The following PRDM5 variants were observed in gnomAD, a reference collection of about 807,000 sequenced individuals.
PRDM5 encodes the protein PR domain zinc finger protein 5.
Under a neutral mutation model 81.2 loss-of-function variants are expected in PRDM5, and 56 were observed. The ratio of observed to expected loss-of-function variants is 0.69; its 90% CI spans 0.56 to 0.86. The LOEUF (loss-of-function observed/expected upper bound fraction) is 0.86, where lower values mean the gene tolerates loss of function less well. PRDM5 is among the 40% of genes least tolerant of loss of function. PRDM5 has a pLI of 0.00. For missense variants in PRDM5, 697 were observed against 770.1 expected (o/e 0.91, Z 1.12); for synonymous variants, 267 against 256.4 (o/e 1.04, Z -0.39).
intron 14 of PRDM5, among the ~76,000 whole-genome samples, chr4:120,713,242 C>T (rs553938125): frequency 6.6e-6 from 1 of 152,230 alleles, no homozygotes; most frequent in East Asian, 1.9e-4. Context: ...AATATGACTG[C>T]CATATAGCTA....
intron 4 of PRDM5, among the ~76,000 whole-genome samples, chr4:120,820,444 T>C (rs976884543): frequency 6.6e-6 from 1 of 152,234 alleles, no homozygotes; most frequent in Non-Finnish European, 1.5e-5. Flanking sequence ...AAAATGTGAA[T>C]ACCTATAGCA....
At chr4:120,769,249 T>C (rs757551770) in intron 13 of PRDM5, among the ~76,000 whole-genome samples, 2 of 152,164 alleles carry the variant, frequency 1.3e-5, no homozygotes, top group Non-Finnish European at 2.9e-5. Flanking sequence ...AAAAGTAAGG[T>C]ATCAGTTATG....
At chr4:120,776,286 C>T (rs1233432583) in intron 13 of PRDM5, among the ~76,000 whole-genome samples, 1 of 152,158 alleles carries the variant, frequency 6.6e-6, no homozygotes, top group Non-Finnish European at 1.5e-5. Flanking sequence ...AAAAATTATG[C>T]TCCAAGGGTG....
intron 5 of PRDM5, among the ~76,000 whole-genome samples, chr4:120,817,252 G>T (rs1288762330): frequency 6.6e-6 from 1 of 152,012 alleles, no homozygotes; most frequent in African/African-American, 2.4e-5. Context: ...TAAAAGTTTT[G>T]ATATTCTGAA....
chr4:120,711,858 T>C (rs1010788907), intron 14 of PRDM5, among the ~76,000 whole-genome samples: 9 of 152,178 alleles, frequency 5.9e-5, no homozygotes, highest in Non-Finnish European at 8.8e-5. Context: ...GTGAAATAAA[T>C]TAATTAATAT....
chr4:120,746,486 G>C (rs1201594788), intron 14 of PRDM5, among the ~76,000 whole-genome samples: 224 of 140,848 alleles, frequency 1.6e-3, no homozygotes, highest in Admixed American at 3.7e-3. Context: ...TACCATCAGA[G>C]TGAACAGGCA....
At chr4:120,797,385 G>A (rs530656743) in intron 10 of PRDM5, among the ~76,000 whole-genome samples, 2 of 152,202 alleles carry the variant, frequency 1.3e-5, no homozygotes, top group Non-Finnish European at 2.9e-5. Context: ...GATTTGCCTT[G>A]TAGGATGGAT....
intron 2 of PRDM5, among the ~76,000 whole-genome samples, chr4:120,905,370 C>T (rs535812392): frequency 3.3e-5 from 5 of 152,072 alleles, no homozygotes; most frequent in African/African-American, 7.2e-5. Context: ...TTTAATCAAA[C>T]GCTGATATAG....
intron 1 of PRDM5, among the ~76,000 whole-genome samples, chr4:120,921,215 AT>A (rs1724869236): frequency 6.6e-6 from 1 of 152,216 alleles, no homozygotes. Context: ...TAAAAGGAGA[AT>A]TTCAACTCTG....
chr4:120,757,899 TTC>T (rs1745015956), intron 13 of PRDM5, among the ~76,000 whole-genome samples: 2 of 151,848 alleles, frequency 1.3e-5, no homozygotes, highest in African/African-American at 4.8e-5. Context: ...CTTCTTCTTC[TTC>T]TGTCTCTCTC....
At chr4:120,876,962 C>A (rs1448290728) in intron 2 of PRDM5, among the ~76,000 whole-genome samples, 1 of 152,140 alleles carries the variant, frequency 6.6e-6, no homozygotes, top group African/African-American at 2.4e-5. Flanking sequence ...ATAGGACATT[C>A]TCTTGTAAAA....
chr4:120,690,284 T>C (rs180701084), downstream of PRDM5, among the ~76,000 whole-genome samples: 146 of 152,306 alleles, frequency 9.6e-4, no homozygotes, highest in African/African-American at 3.5e-3. Context: ...TTAAATGTAT[T>C]ACTATACATG....
rs1390882087 is a variant in PRDM5 at position 120,818,393 on chromosome 4, A to G, written c.610T>C (p.Cys204Arg). 3 of 1,614,090 alleles carry G rather than the reference A, an allele frequency of 1.9e-6. No individual in the cohort carries two copies. Among genetic ancestry groups the G allele is most frequent in the Non-Finnish European group, 2.5e-6 (3 of 1,179,972 alleles). Residue 204 changes from cysteine to arginine, a missense_variant, in exon 5 of 16, where the codon TGT becomes CGT. By Grantham distance (180) the Cys-to-Arg change is radical. Transcript: ENST00000264808. ...TEEKEFKCKN[C>R]GKKFPVKQAL... The stretch of plus-strand genomic sequence containing the variant: ...TGCTTAACTGGGAATTTCTTCCCAC[A>G]GTTCTTGCACTTAAATTCTTTCTCC...
intron 3 of PRDM5, among the ~76,000 whole-genome samples, chr4:120,825,394 T>G (rs1474901661): frequency 6.6e-6 from 1 of 152,182 alleles, no homozygotes; most frequent in African/African-American, 2.4e-5. Flanking sequence ...GCTTTTACCG[T>G]GCTGCTTTGA....
intron 3 of PRDM5, among the ~76,000 whole-genome samples, chr4:120,845,615 C>G (rs1758565208): frequency 6.6e-6 from 1 of 150,752 alleles, no homozygotes; most frequent in African/African-American, 2.5e-5. Context: ...ACCTGGTCAC[C>G]CAAGAGCTCT....
intron 2 of PRDM5, among the ~76,000 whole-genome samples, chr4:120,881,952 AC>A (rs773846818): frequency 1.4e-4 from 22 of 152,330 alleles, no homozygotes; most frequent in Non-Finnish European, 2.9e-4. Flanking sequence ...TGAGGCAGGA[AC>A]CAAGCTGACC....
intron 11 of PRDM5, among the ~76,000 whole-genome samples, chr4:120,784,070 T>C (rs886873474): frequency 2.6e-5 from 4 of 152,168 alleles, no homozygotes; most frequent in Admixed American, 2.0e-4. Context: ...GTGTAAATAT[T>C]ACCCATGGTA....
At chr4:120,741,163 G>A (rs900038763) in intron 14 of PRDM5, among the ~76,000 whole-genome samples, 4 of 152,058 alleles carry the variant, frequency 2.6e-5, no homozygotes, top group Admixed American at 2.6e-4. Context: ...AGGATTTCAA[G>A]ATGATTCTCA....
At chr4:120,795,819 A>G (rs1277727735) in intron 10 of PRDM5, among the ~76,000 whole-genome samples, 1 of 152,202 alleles carries the variant, frequency 6.6e-6, no homozygotes, top group East Asian at 1.9e-4. Context: ...AGGCTGAGAC[A>G]CAAGAATCAC....
Sources: allele counts gnomAD v4.1 joint callset (sites outside exome capture counted in the v4.1 genomes callset), GRCh38; gene constraint gnomAD v4.1.1; transcripts MANE v1.5; gene names NCBI Gene and HGNC (gene_info 2026-07-23, HGNC 2026-07-21).